FKTN: variants seen among roughly 807,000 people sequenced by gnomAD.
FKTN encodes the protein fukutin.
FKTN carries 47 observed loss-of-function variants against 58.6 expected under a neutral mutation model. The ratio of observed to expected loss-of-function variants is 0.80; its 90% CI spans 0.63 to 1.02. The LOEUF (loss-of-function observed/expected upper bound fraction) is 1.02. FKTN is among the 50% of genes least tolerant of loss of function. The probability of loss-of-function intolerance (pLI) is 0.00; values close to 1 mark genes in which losing one functional copy is unlikely to be tolerated. For missense variants in FKTN, 516 were observed against 537.3 expected (o/e 0.96, Z 0.39); for synonymous variants, 178 against 191.9 (o/e 0.93, Z 0.60).
intron 7 of FKTN, among the ~76,000 whole-genome samples, chr9:105,614,435 T>C (rs1830459029): frequency 6.6e-6 from 1 of 152,186 alleles, no homozygotes; most frequent in South Asian, 2.1e-4. Context: ...GGAGATATAA[T>C]GATAAAATGA....
Position 105,571,355 on chromosome 9 carries a change from C to A in FKTN, c.-180-2300C>A, listed in dbSNP as rs115011592. 9.1e-3 allele frequency among the ~76,000 whole-genome samples: 1,381 copies of A among 152,082 alleles called. 22 individuals are homozygous for A. Among genetic ancestry groups the A allele is most frequent in the African/African-American group, 0.032 (1,323 of 41,476 alleles). ...TGGTTACTGAATATTCCTAATGAAG[C>A]GGTAGTGCTAGTGAAAAGGAACATT... On this transcript the variant is annotated intron_variant, in intron 1 of 10. Transcript: ENST00000357998.
rs561155475 is a variant in FKTN, at chr9:105,577,915, T to C, written c.105+2778T>C. On this transcript the variant is annotated intron_variant, in intron 3 of 10. Transcript: ENST00000357998. ...TTGTAAGTTGGATTCCTAGGTATTT[T>C]ATTCTCTTTGAAGCAATTATGAATA... is the stretch of plus-strand genomic sequence containing the variant. 7.9e-4 allele frequency among the ~76,000 whole-genome samples: 119 copies of C among 151,560 alleles called. 1 individual carries two copies. The highest frequency in any genetic ancestry group is 2.6e-3 in the African/African-American group (108 of 40,938).
At chr9:105,614,780 T>G (rs1002240037) in intron 7 of FKTN, among the ~76,000 whole-genome samples, 1 of 152,162 alleles carries the variant, frequency 6.6e-6, no homozygotes, top group Non-Finnish European at 1.5e-5. Flanking sequence ...AATCTGCTCT[T>G]AAGTGTTCAT....
chr9:105,638,479 A>G lies in FKTN; in HGVS notation c.*3215A>G. 1 of 985,386 alleles carries G rather than the reference A, an allele frequency of 1.0e-6. No homozygotes were observed. Among genetic ancestry groups the G allele is most frequent in the African/African-American group, 1.7e-5 (1 of 57,342 alleles). The allele number at this position is 985,386 out of a possible 1,614,324, so 61.0% of individuals were successfully genotyped here. ...TGGTACCTAATTCTCTAAGCTCAAGATGCATCCCATTGCCACTTTACCATT... is the reference window on the plus strand; with the variant it reads ...TGGTACCTAATTCTCTAAGCTCAAGGTGCATCCCATTGCCACTTTACCATT... On this transcript the variant is annotated 3_prime_UTR_variant, in exon 11 of 11. Coordinates refer to ENST00000357998, the MANE Select transcript of FKTN (RefSeq NM_001079802.2).
rs1272720039 is a variant in FKTN, at chr9:105,636,339, C to T, written c.*1075C>T. On this transcript the variant is annotated 3_prime_UTR_variant, in exon 11 of 11. Coordinates refer to ENST00000357998, the MANE Select transcript of FKTN (RefSeq NM_001079802.2). ...TGGCATGTAAACCTGCCTGTTTCTT[C>T]TCCTCTTCTAATATATCAGATCTCC... 1.0e-6 allele frequency: 1 copy of T among 981,446 alleles called. No individual in the cohort carries two copies. The highest frequency in any genetic ancestry group is 1.2e-6 in the Non-Finnish European group (1 of 826,276). 60.8% of individuals were successfully genotyped at this position (981,446 alleles called of 1,614,324 possible).
Position 105,637,797 on chromosome 9 carries a change from C to T in FKTN, c.*2533C>T. Reference sequence around the variant, plus strand: ...GATAACCAGGACAACCAGGTAGTCACCCAGTCCTCTCTAAGCAGGGAGCAC... The same window carrying T: ...GATAACCAGGACAACCAGGTAGTCATCCAGTCCTCTCTAAGCAGGGAGCAC... On this transcript the variant is annotated 3_prime_UTR_variant, in exon 11 of 11. Transcript: ENST00000357998. The T allele has an allele frequency of 1.0e-6, 1 of 985,240 alleles. No individual in the cohort carries two copies. Among genetic ancestry groups the T allele is most frequent in the East Asian group, 1.1e-4 (1 of 8,810 alleles). The allele number at this position is 985,240 out of a possible 1,614,324, so 61.0% of individuals were successfully genotyped here. A position where few individuals can be genotyped will look rare whatever the true frequency, so the allele number is the denominator to read the frequency against.
intron 9 of FKTN, among the ~76,000 whole-genome samples, chr9:105,618,826 A>G (rs948622926): frequency 6.6e-6 from 1 of 151,762 alleles, no homozygotes; most frequent in Non-Finnish European, 1.5e-5. Flanking sequence ...TCCCAGCACT[A>G]TGGGAGGCCG....
intron 7 of FKTN, among the ~76,000 whole-genome samples, chr9:105,610,452 A>G (rs1440680975): frequency 1.3e-5 from 2 of 152,020 alleles, no homozygotes; most frequent in African/African-American, 2.4e-5. Context: ...CCCTTTTCAA[A>G]TCGTGAGAAA....
chr9:105,635,179 G>A lies in FKTN; in HGVS notation c.1301G>A (p.Trp434Ter). 1 of 1,614,138 alleles carries A rather than the reference G, an allele frequency of 6.2e-7. No individual in the cohort carries two copies. The highest frequency in any genetic ancestry group is 8.5e-7 in the Non-Finnish European group (1 of 1,180,000). Residue 434 changes from tryptophan (W) to a stop codon, truncating the protein, a stop_gained, in exon 11 of 11, where the codon TGG becomes TAG. Transcript: ENST00000357998. LOFTEE classifies it high-confidence loss of function. ...GKTWKIPVKT[W>*]DWKRSPPNVQ... Reference sequence around the variant, plus strand: ...ACCTGGAAGATTCCTGTAAAGACGTGGGACTGGAAGCGCTCTCCTCCCAAT... The same window carrying A: ...ACCTGGAAGATTCCTGTAAAGACGTAGGACTGGAAGCGCTCTCCTCCCAAT...
In FKTN at chr9:105,572,439, G is replaced by T. The variant is rs116482540; in HGVS notation, c.-180-1216G>T. ...CATCTTTGCTGAGACTAGAAGACCT[G>T]TAACTCCAAACTGAAATATTTGAGA... On this transcript the variant is annotated intron_variant, in intron 1 of 10. Transcript: ENST00000357998. Among the ~76,000 whole-genome samples, 1,390 of 152,248 alleles carry T rather than the reference G, an allele frequency of 9.1e-3. 22 individuals are homozygous for T. Among genetic ancestry groups the T allele is most frequent in the African/African-American group, 0.032 (1,342 of 41,546 alleles).
intron 1 of FKTN, among the ~76,000 whole-genome samples, chr9:105,562,744 GT>G (rs1305636832): frequency 6.6e-6 from 1 of 152,186 alleles, no homozygotes; most frequent in African/African-American, 2.4e-5. Flanking sequence ...CAGATTGGAG[GT>G]CAGAAACAAG....
chr9:105,615,159 C>A, intron 7 of FKTN, 119 bp from the exon 8 acceptor site: 1 of 1,083,488 alleles, frequency 9.2e-7, no homozygotes, highest in Non-Finnish European at 1.4e-6. Flanking sequence ...TCTGGGGTTA[C>A]AGGCGTGAGC....
chr9:105,595,093 T>C (rs768770525), intron 3 of FKTN, among the ~76,000 whole-genome samples: 2 of 152,178 alleles, frequency 1.3e-5, no homozygotes, highest in African/African-American at 4.8e-5. Flanking sequence ...AGGCCACATA[T>C]ATGATTCCAT....
chr9:105,575,141 AT>A lies in FKTN; in HGVS notation c.105+8del. On this transcript the variant is annotated splice_donor_5th_base_variant and intron_variant, in intron 3 of 10. Transcript: ENST00000357998. The stretch of plus-strand genomic sequence containing the variant: ...CAAGCACTATTTATCAACAAAGGTA[AT>A]TTTATTCCTTCTTTCTTATCATTCC... 2 of 1,437,696 alleles carry A rather than the reference AT, an allele frequency of 1.4e-6. No homozygotes were observed. The highest frequency in any genetic ancestry group is 2.0e-6 in the Non-Finnish European group (2 of 1,019,240). 89.1% of individuals were successfully genotyped at this position (1,437,696 alleles called of 1,614,324 possible).
In FKTN at chr9:105,594,915, G is replaced by A. The variant is rs537780625; in HGVS notation, c.106-1683G>A. Among the ~76,000 whole-genome samples, 135 of 152,242 alleles carry A rather than the reference G, an allele frequency of 8.9e-4. 4 individuals carry two copies. Among genetic ancestry groups the A allele is most frequent in the Admixed American group, 5.6e-3 (85 of 15,282 alleles). Reference sequence around the variant, plus strand: ...ATGATTGTGAAACATGAATATTTCCGATTGCATTTTTCATAATAGCCAAAA... The same window carrying A: ...ATGATTGTGAAACATGAATATTTCCAATTGCATTTTTCATAATAGCCAAAA... On this transcript the variant is annotated intron_variant, in intron 3 of 10. Coordinates refer to ENST00000357998, the MANE Select transcript of FKTN (RefSeq NM_001079802.2).
In FKTN at chr9:105,610,854, C is replaced by T. The variant is rs149798143; in HGVS notation, c.780+2903C>T. On this transcript the variant is annotated intron_variant, in intron 7 of 10. Transcript: ENST00000357998. Reference sequence around the variant, plus strand: ...TTAGTATCGAATAGTTCAGGAAGGGCGGGAGACTTTATTTACTTTTAATTA... The same window carrying T: ...TTAGTATCGAATAGTTCAGGAAGGGTGGGAGACTTTATTTACTTTTAATTA... Among the ~76,000 whole-genome samples the T allele has an allele frequency of 3.8e-3, 582 of 152,086 alleles. 13 individuals are homozygous for T. Among genetic ancestry groups the T allele is most frequent in the African/African-American group, 0.013 (547 of 41,374 alleles).
intron 1 of FKTN, among the ~76,000 whole-genome samples, chr9:105,567,834 G>A (rs982882513): frequency 9.9e-5 from 15 of 152,188 alleles, no homozygotes; most frequent in Admixed American, 9.8e-4. Flanking sequence ...GCCTTGCCAA[G>A]TCAATCCTAA....
intron 4 of FKTN, 61 bp downstream of exon 4, chr9:105,596,718 C>T: frequency 8.4e-7 from 1 of 1,184,240 alleles, no homozygotes; most frequent in Non-Finnish European, 1.3e-6. Flanking sequence ...TTCATTTACT[C>T]CGTAAGTATT....
intron 10 of FKTN, among the ~76,000 whole-genome samples, chr9:105,632,163 C>T (rs1419628426): frequency 1.1e-4 from 16 of 151,776 alleles, no homozygotes; most frequent in East Asian, 3.9e-4. Flanking sequence ...TAAACTATCG[C>T]AAGAACAAAA....
Sources: allele counts gnomAD v4.1 joint callset (sites outside exome capture counted in the v4.1 genomes callset), GRCh38; gene constraint gnomAD v4.1.1; transcripts MANE v1.5; gene names NCBI Gene and HGNC (gene_info 2026-07-23, HGNC 2026-07-21).